PTPRT: variants seen among roughly 807,000 people sequenced by gnomAD.
The protein encoded by PTPRT is protein tyrosine phosphatase receptor type T.
In PTPRT, 56 loss-of-function variants were observed where a neutral mutation model predicts 176.8. The ratio of observed to expected loss-of-function variants is 0.32; its 90% confidence interval spans 0.26 to 0.40. The LOEUF (loss-of-function observed/expected upper bound fraction) is 0.40. Ranked by LOEUF, PTPRT falls within the 10% of genes least tolerant of loss-of-function variation. The pLI is 1.00. For missense variants in PTPRT, 1,540 were observed against 1,908.2 expected, an observed-to-expected ratio of 0.81 and a Z score of 3.60; for synonymous variants, 783 against 739.0, an observed-to-expected ratio of 1.06 and a Z score of -0.96.
intron 7 of PTPRT, among the ~76,000 whole-genome samples, chr20:42,552,424 TAA>T (rs2072785866): frequency 6.6e-6 from 1 of 152,242 alleles, no homozygotes; most frequent in South Asian, 2.1e-4. Context: ...CATAATGGGT[TAA>T]GTGTGTGAAA....
chr20:43,163,223 C>G (rs1232377133), intron 1 of PTPRT, among the ~76,000 whole-genome samples: 1 of 152,212 alleles, frequency 6.6e-6, no homozygotes, highest in African/African-American at 2.4e-5. Flanking sequence ...ACAGAGTGCT[C>G]ACTTTTTGAC....
chr20:42,487,816 G>A (rs1412439917), intron 7 of PTPRT, among the ~76,000 whole-genome samples: 1 of 152,198 alleles, frequency 6.6e-6, no homozygotes, highest in African/African-American at 2.4e-5. Flanking sequence ...ATAGCGGCAA[G>A]ACGAAACTAA....
intron 1 of PTPRT, among the ~76,000 whole-genome samples, chr20:43,070,526 G>T (rs2011166176): frequency 6.6e-6 from 1 of 152,152 alleles, no homozygotes; most frequent in Non-Finnish European, 1.5e-5. Context: ...ACATGCACAT[G>T]TATGTTTATT....
intron 2 of PTPRT, among the ~76,000 whole-genome samples, chr20:42,814,411 G>A (rs945575778): frequency 4.6e-5 from 7 of 152,140 alleles, no homozygotes; most frequent in African/African-American, 1.7e-4. Context: ...CTGAACTCAT[G>A]AATTTTTTTA....
chr20:43,008,252 T>C (rs780314658), intron 1 of PTPRT, among the ~76,000 whole-genome samples: 2 of 152,040 alleles, frequency 1.3e-5, no homozygotes, highest in East Asian at 1.9e-4. Context: ...AGGATTAGTG[T>C]CCTTAAAAAG....
chr20:42,631,213 G>A (rs2074397098), intron 7 of PTPRT, among the ~76,000 whole-genome samples: 1 of 152,096 alleles, frequency 6.6e-6, no homozygotes, highest in East Asian at 1.9e-4. Context: ...GGCGAGAGTG[G>A]GGTGAGATGG....
In PTPRT at chr20:42,277,884, TCATCCATCCATCCATCCATC is replaced by T. The variant is rs60397646; in HGVS notation, c.2176+4585_2176+4604del. Among the ~76,000 whole-genome samples the T allele has an allele frequency of 2.9e-5, 4 of 139,784 alleles. No homozygotes were observed. In the South Asian group the frequency reaches 7.4e-4, roughly 26 times the overall value. 91.7% of individuals were successfully genotyped at this position (139,784 alleles called of 152,430 possible). A position where few individuals can be genotyped will look rare whatever the true frequency, so the allele number is the denominator to read the frequency against. The stretch of plus-strand genomic sequence containing the variant: ...GAATAATGACCTGTTAGTCATCCAC[TCATCCATCCATCCATCCATC>T]CATCCATCCATCCATCCATCCATCC... On this transcript the variant is annotated intron_variant, in intron 13 of 30. Coordinates refer to ENST00000373187, the MANE Select transcript of PTPRT (RefSeq NM_007050.6).
chr20:42,182,834 C>T (rs567515259), intron 16 of PTPRT, among the ~76,000 whole-genome samples: 1 of 152,116 alleles, frequency 6.6e-6, no homozygotes, highest in East Asian at 1.9e-4. Context: ...AACACCTTCT[C>T]TCTACCATTG....
chr20:42,354,475 T>C (rs998744095), intron 9 of PTPRT, among the ~76,000 whole-genome samples: 1 of 152,218 alleles, frequency 6.6e-6, no homozygotes, highest in Non-Finnish European at 1.5e-5. Flanking sequence ...CTATATTCTA[T>C]ACCACATTGC....
intron 1 of PTPRT, among the ~76,000 whole-genome samples, chr20:43,114,781 T>C (rs1343141180): frequency 2.0e-5 from 3 of 152,192 alleles, no homozygotes; most frequent in Non-Finnish European, 4.4e-5. Context: ...AATGTCATTA[T>C]TCATTAAAAT....
At chr20:43,179,560 T>G (rs1395737183) in intron 1 of PTPRT, among the ~76,000 whole-genome samples, 4 of 152,204 alleles carry the variant, frequency 2.6e-5, no homozygotes, top group Admixed American at 2.6e-4. Context: ...GTACTTCAAT[T>G]TTGGGGGTAA....
chr20:42,933,777 CAGA>C (rs904945740), intron 1 of PTPRT, among the ~76,000 whole-genome samples: 1 of 152,128 alleles, frequency 6.6e-6, no homozygotes, highest in Non-Finnish European at 1.5e-5. Context: ...GGCTTCAAGT[CAGA>C]AGAAGAAGAG....
At chr20:42,302,737 T>A (rs887105893) in intron 12 of PTPRT, among the ~76,000 whole-genome samples, 3 of 152,174 alleles carry the variant, frequency 2.0e-5, no homozygotes, top group African/African-American at 7.2e-5. Flanking sequence ...TAATAAATAA[T>A]TGGTGGGTTT....
intron 7 of PTPRT, among the ~76,000 whole-genome samples, chr20:42,621,134 G>A (rs1204603052): frequency 6.6e-6 from 1 of 152,130 alleles, no homozygotes; most frequent in Admixed American, 6.5e-5. Flanking sequence ...GGGACAAAGA[G>A]CCAAACCATA....
intron 21 of PTPRT, 61 bp from the exon 22 acceptor site, chr20:42,115,376 G>T: frequency 1.6e-6 from 2 of 1,261,714 alleles, no homozygotes; most frequent in Non-Finnish European, 1.2e-6. Context: ...ATAAGCACAT[G>T]GCTGAGTGTG....
At chr20:42,547,142 T>C (rs2072690290) in intron 7 of PTPRT, among the ~76,000 whole-genome samples, 1 of 152,146 alleles carries the variant, frequency 6.6e-6, no homozygotes, top group South Asian at 2.1e-4. Flanking sequence ...GTGTACGCTT[T>C]TGTGTGTTTT....
At position 42,722,137 on chromosome 20, in the gene PTPRT, T is replaced by C. The variant is rs142560709; in HGVS notation, c.859+34325A>G. On this transcript the variant is annotated intron_variant, in intron 6 of 30. Coordinates refer to ENST00000373187, the MANE Select transcript of PTPRT (RefSeq NM_007050.6). ...AGTGTCCTCCCTTCCTCTCTGCACATTCTTCTCACCATATCGGGTCTATGA... is the reference window on the plus strand; with the variant it reads ...AGTGTCCTCCCTTCCTCTCTGCACACTCTTCTCACCATATCGGGTCTATGA... Among the ~76,000 whole-genome samples, 1,113 of 152,292 alleles carry C rather than the reference T, an allele frequency of 7.3e-3. 17 individuals are homozygous for C. The highest frequency in any genetic ancestry group is 0.025 in the African/African-American group (1,055 of 41,546).
intron 9 of PTPRT, among the ~76,000 whole-genome samples, chr20:42,416,765 T>A (rs755361882): frequency 6.6e-6 from 1 of 152,162 alleles, no homozygotes; most frequent in Non-Finnish European, 1.5e-5. Context: ...ACATAGTGAC[T>A]GAATAAGATA....
intron 1 of PTPRT, among the ~76,000 whole-genome samples, chr20:42,983,429 C>T (rs1471529291): frequency 6.6e-6 from 1 of 152,234 alleles, no homozygotes; most frequent in East Asian, 1.9e-4. Context: ...TGAGCAACTT[C>T]CCAAGGTCAC....
Sources: gnomAD v4.1 joint callset for allele counts (sites outside exome capture counted in the v4.1 genomes callset) on GRCh38, gnomAD v4.1.1 for gene constraint, MANE v1.5 for transcripts, NCBI Gene and HGNC (gene_info 2026-07-23, HGNC 2026-07-21) for gene names.